PARD6G: variants seen among roughly 807,000 people sequenced by gnomAD.
PARD6G encodes the protein par-6 family cell polarity regulator gamma.
In PARD6G, 7 loss-of-function variants were observed where a neutral mutation model predicts 10.7. That is an observed-to-expected ratio of 0.66 (90% CI 0.37 to 1.23). The LOEUF (loss-of-function observed/expected upper bound fraction) is 1.23, where lower values mean the gene tolerates loss of function less well. Among genes scored for constraint, PARD6G ranks in the 50% most tolerant of loss-of-function variants. The pLI is 0.02. For synonymous variants in PARD6G, 287 were observed against 269.4 expected (o/e 1.07, Z -0.64); for missense variants, 548 against 571.8 (o/e 0.96, Z 0.42).
intron 1 of PARD6G, among the ~76,000 whole-genome samples, chr18:80,230,467 C>T (rs1452264429): frequency 1.3e-5 from 2 of 152,218 alleles, no homozygotes; most frequent in African/African-American, 4.8e-5. Context: ...TCGGGCCACA[C>T]ACCTATGAGT....
chr18:80,239,878 C>A (rs1205315529), intron 1 of PARD6G, among the ~76,000 whole-genome samples: 2 of 151,764 alleles, frequency 1.3e-5, no homozygotes, highest in African/African-American at 2.4e-5. Flanking sequence ...ATTTGGCTCA[C>A]AGTTCTGCAG....
intron 1 of PARD6G, among the ~76,000 whole-genome samples, chr18:80,219,415 G>A (rs765260627): frequency 8.5e-5 from 13 of 152,126 alleles, no homozygotes; most frequent in Non-Finnish European, 1.8e-4. Flanking sequence ...TCACCATGTT[G>A]GCTAGGCTGG....
intron 1 of PARD6G, among the ~76,000 whole-genome samples, chr18:80,243,555 C>A (rs1225395119): frequency 6.6e-6 from 1 of 152,138 alleles, no homozygotes; most frequent in African/African-American, 2.4e-5. Flanking sequence ...AAAGCCCCAT[C>A]ATTATTTAAT....
intron 1 of PARD6G, among the ~76,000 whole-genome samples, chr18:80,206,919 T>C (rs1967059475): frequency 6.6e-6 from 1 of 151,750 alleles, no homozygotes; most frequent in Non-Finnish European, 1.5e-5. Context: ...TCTTCAGATG[T>C]TTACTTGGAT....
rs1367501711 is a variant in PARD6G, at chr18:80,223,622, A to G, written c.73-20690T>C. ...CCTCACACATTTTTGTTAGGAATGTAAAACGGTGCAAATGATTTTGTAAAC... is the reference window on the plus strand; with the variant it reads ...CCTCACACATTTTTGTTAGGAATGTGAAACGGTGCAAATGATTTTGTAAAC... On this transcript the variant is annotated intron_variant, in intron 1 of 2. Transcript: ENST00000353265. Among the ~76,000 whole-genome samples, 4 of 152,232 alleles carry G rather than the reference A, an allele frequency of 2.6e-5. No individual in the cohort carries two copies. In the East Asian group the frequency reaches 5.8e-4, roughly 22 times the overall value.
intron 1 of PARD6G, among the ~76,000 whole-genome samples, chr18:80,233,224 T>C (rs1012998411): frequency 1.3e-5 from 2 of 152,230 alleles, no homozygotes; most frequent in Admixed American, 6.5e-5. Context: ...AGAACATTCA[T>C]GCAAAGTTTT....
rs564783163 is a variant in PARD6G, at chr18:80,181,859, C to G, written c.295+20851G>C. Among the ~76,000 whole-genome samples, 1 of 152,120 alleles carries G rather than the reference C, an allele frequency of 6.6e-6. No individual in the cohort carries two copies. Among genetic ancestry groups the G allele is most frequent in the Non-Finnish European group, 1.5e-5 (1 of 68,022 alleles). On this transcript the variant is annotated intron_variant, in intron 2 of 2. Coordinates refer to ENST00000353265, the MANE Select transcript of PARD6G (RefSeq NM_032510.4). The surrounding 1 kb of genome is among the most constrained non-coding windows in gnomAD (Gnocchi z 7.9). ...CAGAGATCCACTGCCCAAGGCTGCC[C>G]GGTAGACCTGTCCCTGGGAGGGAAG...
chr18:80,210,715 G>T (rs1442336916), intron 1 of PARD6G, among the ~76,000 whole-genome samples: 2 of 152,172 alleles, frequency 1.3e-5, no homozygotes, highest in Non-Finnish European at 2.9e-5. Flanking sequence ...TATCTACAAA[G>T]GGAACGACTA....
chr18:80,185,926 ACGCGGGCTTGCACACCCTCACG>A, intron 2 of PARD6G, among the ~76,000 whole-genome samples: 1 of 127,484 alleles, frequency 7.8e-6, no homozygotes, highest in Non-Finnish European at 1.6e-5. Flanking sequence ...ATACACCCTC[ACGCGGGCTTGCACACCCTCACG>A]CACGCATGCA....
intron 2 of PARD6G, among the ~76,000 whole-genome samples, chr18:80,177,339 CACAT>C (rs1413681470): frequency 6.8e-6 from 1 of 147,926 alleles, no homozygotes; most frequent in African/African-American, 2.5e-5. Flanking sequence ...CGCACACACA[CACAT>C]ACACACACAT....
At chr18:80,230,366 C>T (rs1285559981) in intron 1 of PARD6G, among the ~76,000 whole-genome samples, 1 of 152,228 alleles carries the variant, frequency 6.6e-6, no homozygotes, top group Non-Finnish European at 1.5e-5. Context: ...TACAGGCGGT[C>T]ATCCTAATGA....
At chr18:80,245,728 T>C (rs1213407182) in intron 1 of PARD6G, among the ~76,000 whole-genome samples, 1 of 152,134 alleles carries the variant, frequency 6.6e-6, no homozygotes, top group Non-Finnish European at 1.5e-5. Context: ...GAGAGCTGTG[T>C]TCCCACTGAG....
intron 2 of PARD6G, 51 bp from the exon 3 acceptor site, chr18:80,160,657 G>GC (rs1335399709): frequency 2.0e-5 from 28 of 1,427,422 alleles, no homozygotes; most frequent in Non-Finnish European, 2.6e-5. Context: ...CCCCGCCTGA[G>GC]CCCTCGGCCG....
At chr18:80,212,087 T>C (rs986979436) in intron 1 of PARD6G, among the ~76,000 whole-genome samples, 2 of 151,810 alleles carry the variant, frequency 1.3e-5, no homozygotes, top group Middle Eastern at 3.4e-3. Context: ...GGCCACACTG[T>C]CTGTGTGGAG....
chr18:80,213,068 T>C (rs1278520298), intron 1 of PARD6G, among the ~76,000 whole-genome samples: 2 of 152,196 alleles, frequency 1.3e-5, no homozygotes, highest in East Asian at 3.9e-4. Context: ...AGTAAATTGG[T>C]TTTATTACCA....
chr18:80,218,579 G>C (rs1265571738), intron 1 of PARD6G, among the ~76,000 whole-genome samples: 1 of 152,198 alleles, frequency 6.6e-6, no homozygotes, highest in Non-Finnish European at 1.5e-5. Flanking sequence ...CTGGTATTGA[G>C]TGTCTGTGGC....
Position 80,160,313 on chromosome 18 carries a change from G to A in PARD6G, c.589C>T (p.Arg197Cys), listed in dbSNP as rs1399236227. The change falls in exon 3 of 3, where the codon CGC (arginine) becomes TGC (cysteine). Residue 197 changes from arginine (R) to cysteine (C), a missense_variant. Arg to Cys is a radical substitution (Grantham distance 180). Transcript: ENST00000353265. ...LEKVPGIFIS[R>C]MVPGGLAEST... ...TCCGCCAGGCCCCCGGGTACCATGC[G>A]CGAGATGAAGATGCCGGGCACCTTC... 2 of 1,612,014 alleles carry A rather than the reference G, an allele frequency of 1.2e-6. No individual in the cohort carries two copies. Among genetic ancestry groups the A allele is most frequent in the East Asian group, 2.2e-5 (1 of 44,878 alleles).
At chr18:80,191,641 G>A (rs1966899429) in intron 2 of PARD6G, among the ~76,000 whole-genome samples, 2 of 152,170 alleles carry the variant, frequency 1.3e-5, no homozygotes, top group Admixed American at 6.5e-5. Context: ...TTAGGTTTTG[G>A]TCTATAAGAA....
intron 1 of PARD6G, among the ~76,000 whole-genome samples, chr18:80,220,529 A>C (rs1967217414): frequency 6.6e-6 from 1 of 152,236 alleles, no homozygotes; most frequent in Non-Finnish European, 1.5e-5. Flanking sequence ...ATTTTAACAA[A>C]TATACTATAT....
Sources: allele counts gnomAD v4.1 joint callset (sites outside exome capture counted in the v4.1 genomes callset), GRCh38; gene constraint gnomAD v4.1.1; non-coding constraint Gnocchi (gnomAD v3.1); transcripts MANE v1.5; gene names NCBI Gene and HGNC (gene_info 2026-07-23, HGNC 2026-07-21).